Variants in CHKB observed in about 807,000 individuals in gnomAD.
CHKB encodes the protein choline kinase beta.
CHKB carries 45 observed loss-of-function variants against 57.3 expected under a neutral mutation model. That is an observed-to-expected ratio of 0.79 (90% CI 0.62 to 1.01). The LOEUF is 1.01. Among genes scored for constraint, CHKB ranks in the 50% least tolerant of loss-of-function variants. The pLI is 0.00. For missense variants in CHKB, 517 were observed against 502.8 expected (o/e 1.03, Z -0.27); for synonymous variants, 224 against 201.8 (o/e 1.11, Z -0.93).
At position 50,582,654 on chromosome 22, in the gene CHKB, C is replaced by A; in HGVS notation, c.128G>T (p.Arg43Leu). 6.2e-7 allele frequency: 1 copy of A among 1,609,768 alleles called. No individual in the cohort carries two copies. Among genetic ancestry groups the A allele is most frequent in the Non-Finnish European group, 8.5e-7 (1 of 1,179,014 alleles). The change falls in exon 1 of 11, where the codon CGT becomes CTT. Residue 43 changes from arginine to leucine, a missense_variant. Physicochemically the swap from Arg to Leu is moderately radical, Grantham distance 102. Coordinates refer to ENST00000406938, the MANE Select transcript of CHKB (RefSeq NM_005198.5). ...TTGGTAGGCTCGGCGCTCGGCGTCA[C>A]GCGACAGCGACGAGGCGCGCCGCCG... ...PKRRRASSLS[R>L]DAERRAYQWC...
In CHKB at chr22:50,582,643, G is replaced by C. The variant is rs767183656; in HGVS notation, c.139C>G (p.Arg47Gly). The change falls in exon 1 of 11, where the codon CGC becomes GGC. Residue 47 changes from arginine to glycine, a missense_variant. Transcript: ENST00000406938. The part of the protein sequence containing the change: ...RASSLSRDAE[R>G]RAYQWCREYL... ...TCCCGGCACCATTGGTAGGCTCGGC[G>C]CTCGGCGTCACGCGACAGCGACGAG... The C allele has an allele frequency of 6.2e-7, 1 of 1,610,744 alleles. No homozygotes were observed. Among genetic ancestry groups the C allele is most frequent in the East Asian group, 2.2e-5 (1 of 44,840 alleles).
chr22:50,581,535 G>C lies in CHKB; in HGVS notation c.466C>G (p.Gln156Glu), dbSNP rs764016359. The change falls in exon 4 of 11, where the codon CAA (glutamine) becomes GAA (glutamate). Residue 156 changes from glutamine to glutamate, a missense_variant. Coordinates refer to ENST00000406938, the MANE Select transcript of CHKB (RefSeq NM_005198.5). ...QYIPSRPLKT[Q>E]ELREPVLSAA... is the part of the protein sequence containing the mutation. ...GACAACACTGGCTCTCGAAGCTCTTGAGTTTTCAATGGCCGACTCTGCACC... is the reference window on the plus strand; with the variant it reads ...GACAACACTGGCTCTCGAAGCTCTTCAGTTTTCAATGGCCGACTCTGCACC... 2.2e-5 allele frequency: 36 copies of C among 1,613,842 alleles called. No homozygotes were observed. In the South Asian group the frequency reaches 3.8e-4, roughly 17 times the overall value.
chr22:50,580,847 T>C lies in CHKB; in HGVS notation c.582-187A>G, dbSNP rs375939282. ...CAGGCTGGAGTGCAGTGGCGCGATC[T>C]TGGCTCACTGCAACCTCTGCCTCCC... is the stretch of plus-strand genomic sequence containing the variant. On this transcript the variant is annotated intron_variant, in intron 4 of 10. Coordinates refer to ENST00000406938, the MANE Select transcript of CHKB (RefSeq NM_005198.5). 2.4e-4 allele frequency: 145 copies of C among 600,184 alleles called. 2 individuals are homozygous for C. In the South Asian group the frequency reaches 2.4e-3, roughly 10 times the overall value. The allele number at this position is 600,184 out of a possible 1,614,324, so 37.2% of individuals were successfully genotyped here. A position where few individuals can be genotyped will look rare whatever the true frequency, so the allele number is the denominator to read the frequency against.
intron 9 of CHKB, 56 bp from the exon 10 acceptor site, chr22:50,579,563 G>T: frequency 6.3e-7 from 1 of 1,593,102 alleles, no homozygotes; most frequent in Admixed American, 1.7e-5. Context: ...GCACTGCTTG[G>T]ATCCCCTCAC....
At chr22:50,580,523 G>GGC in intron 5 of CHKB, 42 bp downstream of exon 5, 1 of 1,611,868 alleles carries the variant, frequency 6.2e-7, no homozygotes, top group Non-Finnish European at 8.5e-7. Flanking sequence ...CTACTGGAAG[G>GGC]GCGGACACCA....
Position 50,581,278 on chromosome 22 carries a change from G to A in CHKB, c.581+142C>T, listed in dbSNP as rs962926429. 11 of 1,138,692 alleles carry A rather than the reference G, an allele frequency of 9.7e-6. No homozygotes were observed. In the South Asian group the frequency reaches 1.2e-4, roughly 13 times the overall value. 70.5% of individuals were successfully genotyped at this position (1,138,692 alleles called of 1,614,324 possible). On this transcript the variant is annotated intron_variant, in intron 4 of 10. Transcript: ENST00000406938. ...CATGAGGCACTGCATGTGGCCTCTG[G>A]CAAGCATTTAAAAGCCTGTTCTGTG...
At chr22:50,579,919 A>C (rs1603443700) in intron 8 of CHKB, 55 bp downstream of exon 8, 2 of 1,595,224 alleles carry the variant, frequency 1.3e-6, no homozygotes, top group Admixed American at 1.7e-5. Flanking sequence ...TCCAGACTCC[A>C]CCTCCCTCCT....
In CHKB at chr22:50,579,732, G is replaced by A; in HGVS notation, c.1026C>T (p.Val342=). The stretch of plus-strand genomic sequence containing the variant: ...CCCTGCCCCTCCTTCCTCACCGACT[G>A]ACTTCTACCAGCAAATCTTCTTCCA... ...RKLEEDLLVE[V]SRYALASHFF... is the part of the protein sequence containing the mutation. Residue 342 remains valine, a synonymous_variant, in exon 9 of 11, where the codon GTC becomes GTT. Coordinates refer to ENST00000406938, the MANE Select transcript of CHKB (RefSeq NM_005198.5). 6.2e-7 allele frequency: 1 copy of A among 1,613,384 alleles called. No individual in the cohort carries two copies. The highest frequency in any genetic ancestry group is 8.5e-7 in the Non-Finnish European group (1 of 1,179,546).
chr22:50,581,612 G>C (rs1198589679), intron 3 of CHKB, 59 bp from the exon 4 acceptor site: 22 of 1,608,174 alleles, frequency 1.4e-5, no homozygotes, highest in Non-Finnish European at 1.7e-5. Flanking sequence ...GGAAGGGCTG[G>C]GGCAATGAGG....
At chr22:50,581,348 G>C (rs2070686177) in intron 4 of CHKB, 72 bp downstream of exon 4, 1 of 1,589,320 alleles carries the variant, frequency 6.3e-7, no homozygotes. Flanking sequence ...GCTGGATAGA[G>C]CCCCCGACAC....
At chr22:50,580,716 T>C in intron 4 of CHKB, 56 bp from the exon 5 acceptor site, 1 of 1,508,694 alleles carries the variant, frequency 6.6e-7, no homozygotes, top group Non-Finnish European at 9.2e-7. Context: ...ACCCCTCGCC[T>C]ATCTACCCCT....
intron 8 of CHKB, 42 bp downstream of exon 8, chr22:50,579,932 C>T: frequency 6.2e-7 from 1 of 1,602,342 alleles, no homozygotes; most frequent in Non-Finnish European, 8.6e-7. Flanking sequence ...TCCCTCCTTC[C>T]TCACAGGATG....
In CHKB at chr22:50,582,319, G is replaced by A. The variant is rs146163970; in HGVS notation, c.263C>T (p.Pro88Leu). The A allele has an allele frequency of 2.3e-4, 369 of 1,583,094 alleles. 1 individual carries two copies. Among genetic ancestry groups the A allele is most frequent in the South Asian group, 4.5e-4 (39 of 86,546 alleles). The change falls in exon 2 of 11, where the codon CCG becomes CTG. Residue 88 changes from proline to leucine, a missense_variant. Coordinates refer to ENST00000406938, the MANE Select transcript of CHKB (RefSeq NM_005198.5). ...CTCGCCAACGCTGGGCAGGTGGTCC[G>A]GGAGCGAGCAGCGGAAGAGCAGGTT... ...LSNLLFRCSL[P>L]DHLPSVGEEP...
At position 50,580,234 on chromosome 22, in the gene CHKB, G is replaced by C; in HGVS notation, c.774C>G (p.Asp258Glu). Residue 258 changes from aspartate (D) to glutamate (E), a missense_variant, in exon 7 of 11, where the codon GAC (aspartate) becomes GAG (glutamate). Asp to Glu is a conservative substitution (Grantham distance 45, BLOSUM62 2). Coordinates refer to ENST00000406938, the MANE Select transcript of CHKB (RefSeq NM_005198.5). ...ACTCGAAGTCCACCAGCATGAGGCT[G>C]TCAGCATTTTCTGGCTCTGAGAGCA... ...ILLLSEPENA[D>E]SLMLVDFEYS... is the part of the protein sequence containing the mutation. The C allele has an allele frequency of 6.2e-7, 1 of 1,614,016 alleles. No homozygotes were observed. The highest frequency in any genetic ancestry group is 1.3e-5 in the African/African-American group (1 of 75,062).
Position 50,582,724 on chromosome 22 carries a change from T to C in CHKB, c.58A>G (p.Lys20Glu). 1 of 1,605,906 alleles carries C rather than the reference T, an allele frequency of 6.2e-7. No individual in the cohort carries two copies. Among genetic ancestry groups the C allele is most frequent in the Non-Finnish European group, 8.5e-7 (1 of 1,177,334 alleles). The change falls in exon 1 of 11, where the codon AAA becomes GAA. Residue 20 changes from lysine to glutamate, a missense_variant. Transcript: ENST00000406938. ...GSGAVGGCLAKDGLQQSKCPD... is the reference protein window; with the variant it reads ...GSGAVGGCLAEDGLQQSKCPD... ...CACTTAGACTGCTGCAAGCCGTCTTTGGCCAGGCAGCCGCCAACAGCCCCG... is the reference window on the plus strand; with the variant it reads ...CACTTAGACTGCTGCAAGCCGTCTTCGGCCAGGCAGCCGCCAACAGCCCCG...
rs1329658058 is a variant in CHKB at position 50,582,338 on chromosome 22, G to A, written c.244C>T (p.Leu82Phe). 7 of 1,569,488 alleles carry A rather than the reference G, an allele frequency of 4.5e-6. 1 individual carries two copies. Among genetic ancestry groups the A allele is most frequent in the Non-Finnish European group, 3.4e-6 (4 of 1,160,050 alleles). ...YPVSGGLSNL[L>F]FRCSLPDHLP... is the part of the protein sequence containing the mutation. ...TGGTCCGGGAGCGAGCAGCGGAAGA[G>A]CAGGTTGCTGAGGCCTCCGCTGCAG... Residue 82 changes from leucine to phenylalanine, a missense_variant, in exon 2 of 11, where the codon CTC becomes TTC. Physicochemically the swap from Leu to Phe is conservative, Grantham distance 22. Transcript: ENST00000406938.
rs531581370 is a variant in CHKB, at chr22:50,580,087, G to A, written c.819-5C>T. 20 of 1,613,880 alleles carry A rather than the reference G, an allele frequency of 1.2e-5. No homozygotes were observed. The South Asian group carries it at 1.4e-4, about 12-fold the overall frequency. ...TGGTTCCCAATGTCAAAGCCCCTGG[G>A]AGAATAAGGTGGACATTCAGTCCCC... is the stretch of plus-strand genomic sequence containing the variant. On this transcript the variant is annotated splice_region_variant and splice_polypyrimidine_tract_variant and intron_variant, in intron 7 of 10. Transcript: ENST00000406938.
At chr22:50,582,201 C>T in intron 2 of CHKB, 48 bp downstream of exon 2, 1 of 1,488,678 alleles carries the variant, frequency 6.7e-7, no homozygotes. Context: ...ATCGCGTAAG[C>T]GACAGGCCCT....
chr22:50,582,821 G>C lies in CHKB; in HGVS notation c.-40C>G. The stretch of plus-strand genomic sequence containing the variant: ...CGGGCCCCAGGCCAGGCTGCGCTCC[G>C]CTCCCTTCGGACGGGCTCGGTTCCT... On this transcript the variant is annotated 5_prime_UTR_variant, in exon 1 of 11. Coordinates refer to ENST00000406938, the MANE Select transcript of CHKB (RefSeq NM_005198.5). The C allele has an allele frequency of 6.6e-7, 1 of 1,517,966 alleles. No homozygotes were observed. The highest frequency in any genetic ancestry group is 8.8e-7 in the Non-Finnish European group (1 of 1,131,132). The allele number at this position is 1,517,966 out of a possible 1,614,324, so 94.0% of individuals were successfully genotyped here. A position where few individuals can be genotyped will look rare whatever the true frequency, so the allele number is the denominator to read the frequency against.
Sources: allele counts gnomAD v4.1 joint callset, GRCh38; gene constraint gnomAD v4.1.1; transcripts MANE v1.5; gene names NCBI Gene and HGNC (gene_info 2026-07-23, HGNC 2026-07-21).